The following BANK1 variants were observed in gnomAD, a reference collection of about 807,000 sequenced individuals.
BANK1 encodes B-cell scaffold protein with ankyrin repeats.
BANK1 carries 95 observed loss-of-function variants against 94.5 expected under a neutral mutation model. The ratio of observed to expected loss-of-function variants is 1.00; its 90% CI spans 0.85 to 1.19. The LOEUF (loss-of-function observed/expected upper bound fraction) is 1.19. Ranked by LOEUF, BANK1 falls within the 50% of genes most tolerant of loss-of-function variation. BANK1 has a pLI of 0.00. For missense variants in BANK1, 987 were observed against 932.2 expected, an observed-to-expected ratio of 1.06 and a Z score of -0.77; for synonymous variants, 334 against 308.4, an observed-to-expected ratio of 1.08 and a Z score of -0.87.
At chr4:101,854,634 A>C (rs1727613104) in intron 2 of BANK1, among the ~76,000 whole-genome samples, 1 of 152,000 alleles carries the variant, frequency 6.6e-6, no homozygotes, top group South Asian at 2.1e-4. Flanking sequence ...GAAATATGTA[A>C]GGGGCAAATA....
At chr4:101,986,201 A>T (rs1417325250) in intron 7 of BANK1, among the ~76,000 whole-genome samples, 1 of 152,126 alleles carries the variant, frequency 6.6e-6, no homozygotes, top group African/African-American at 2.4e-5. Flanking sequence ...GTGCTATGGG[A>T]CCTTTGAGAC....
chr4:101,838,451 C>T (rs1726911978), intron 2 of BANK1, among the ~76,000 whole-genome samples: 2 of 152,090 alleles, frequency 1.3e-5, no homozygotes, highest in African/African-American at 2.4e-5. Context: ...TAGATGATTT[C>T]CTCTTTATTT....
intron 5 of BANK1, among the ~76,000 whole-genome samples, chr4:101,881,460 G>A (rs1334187399): frequency 6.6e-6 from 1 of 152,042 alleles, no homozygotes; most frequent in African/African-American, 2.4e-5. Flanking sequence ...GGAGAAAACT[G>A]TTTGTCGGAA....
intron 7 of BANK1, among the ~76,000 whole-genome samples, chr4:101,970,002 A>G (rs1164250081): frequency 6.6e-6 from 1 of 152,182 alleles, no homozygotes; most frequent in Non-Finnish European, 1.5e-5. Flanking sequence ...TCAATAAGAT[A>G]CCTGTTTTGC....
intron 2 of BANK1, among the ~76,000 whole-genome samples, chr4:101,847,072 AG>A (rs1727277441): frequency 6.6e-6 from 1 of 152,158 alleles, no homozygotes; most frequent in Non-Finnish European, 1.5e-5. Context: ...AGTCGTATGA[AG>A]GAAGGCTTAC....
At chr4:102,035,391 G>A (rs1467620955) in intron 10 of BANK1, among the ~76,000 whole-genome samples, 1 of 152,032 alleles carries the variant, frequency 6.6e-6, no homozygotes. Flanking sequence ...GCTCACGCCT[G>A]TAATCCCAGT....
intron 8 of BANK1, among the ~76,000 whole-genome samples, chr4:102,023,041 T>C (rs910712513): frequency 3.3e-5 from 5 of 152,340 alleles, no homozygotes; most frequent in South Asian, 2.1e-4. Flanking sequence ...ATTATTTATC[T>C]GGTTGTTGTT....
Position 102,030,285 on chromosome 4 carries a change from G to C in BANK1, c.1900+20G>C. 1.3e-6 allele frequency: 2 copies of C among 1,535,964 alleles called. No individual in the cohort carries two copies. Among genetic ancestry groups the C allele is most frequent in the Non-Finnish European group, 1.7e-6 (2 of 1,146,860 alleles). On this transcript the variant is annotated intron_variant, in intron 10 of 16. Transcript: ENST00000322953. ...CTCAAGGTAATTATCATTGTTGTTT[G>C]TTTACTTGTTAATTTTTTTTGTCCA... is the stretch of plus-strand genomic sequence containing the variant.
In BANK1 at chr4:101,862,608, G is replaced by A. The variant is rs777895274; in HGVS notation, c.707G>A (p.Arg236His). The A allele has an allele frequency of 8.6e-5, 138 of 1,611,006 alleles. No homozygotes were observed. The highest frequency in any genetic ancestry group is 1.1e-4 in the Non-Finnish European group (127 of 1,178,528). The part of the protein sequence containing the change: ...VEVEFTSSNK[R>H]IRTRPALWNK... ...GTTGAATTTACATCAAGTAATAAGC[G>A]CATTAGAACACGGCCAGCCCTTTGG... is the stretch of plus-strand genomic sequence containing the variant. The change falls in exon 4 of 17, where the codon CGC (arginine) becomes CAC (histidine). Residue 236 changes from arginine to histidine, a missense_variant. Coordinates refer to ENST00000322953, the MANE Select transcript of BANK1 (RefSeq NM_017935.5).
chr4:101,937,277 A>C (rs1723598064), intron 7 of BANK1, among the ~76,000 whole-genome samples: 1 of 151,918 alleles, frequency 6.6e-6, no homozygotes. Flanking sequence ...AGCAAAATAA[A>C]CTATCATCAG....
chr4:101,796,054 A>G (rs1725145286), intron 1 of BANK1, among the ~76,000 whole-genome samples: 1 of 152,208 alleles, frequency 6.6e-6, no homozygotes, highest in Non-Finnish European at 1.5e-5. Flanking sequence ...TTATCAGTAG[A>G]AGATTGATGA....
intron 5 of BANK1, among the ~76,000 whole-genome samples, chr4:101,879,082 G>A (rs1297333763): frequency 6.6e-6 from 1 of 151,790 alleles, no homozygotes; most frequent in Non-Finnish European, 1.5e-5. Context: ...CCCAAAATTA[G>A]TAGAAGAAAA....
intron 11 of BANK1, among the ~76,000 whole-genome samples, chr4:102,052,248 G>T (rs746219470): frequency 6.6e-6 from 1 of 150,968 alleles, no homozygotes; most frequent in African/African-American, 2.4e-5. Flanking sequence ...CTCCTGAGTA[G>T]CTGGGACTAC....
chr4:102,055,948 GA>G (rs199632800), intron 11 of BANK1, among the ~76,000 whole-genome samples: 7 of 150,552 alleles, frequency 4.6e-5, no homozygotes, highest in Admixed American at 1.3e-4. Flanking sequence ...AATCACTTGG[GA>G]AAAAAAAAGA....
chr4:102,039,401 C>T (rs1437319445), intron 10 of BANK1, among the ~76,000 whole-genome samples: 1 of 152,108 alleles, frequency 6.6e-6, no homozygotes, highest in Non-Finnish European at 1.5e-5. Flanking sequence ...AACATGACTG[C>T]TTATACGGTT....
At chr4:102,040,426 G>A (rs1400036023) in intron 10 of BANK1, among the ~76,000 whole-genome samples, 1 of 151,976 alleles carries the variant, frequency 6.6e-6, no homozygotes, top group Non-Finnish European at 1.5e-5. Context: ...TTTAAAGGTG[G>A]TGACAACGAC....
At chr4:101,834,248 T>C (rs757973602) in intron 2 of BANK1, among the ~76,000 whole-genome samples, 39 of 152,206 alleles carry the variant, frequency 2.6e-4, no homozygotes, top group Admixed American at 7.9e-4. Flanking sequence ...ACTCACACCT[T>C]ATAGACAACA....
At chr4:101,811,793 C>T (rs959767069) in intron 1 of BANK1, among the ~76,000 whole-genome samples, 14 of 151,908 alleles carry the variant, frequency 9.2e-5, no homozygotes, top group Admixed American at 2.6e-4. Flanking sequence ...TACATGAACC[C>T]TGGGATAAAT....
chr4:102,071,168 G>A (rs971612559), intron 13 of BANK1, 107 bp from the exon 14 acceptor site: 8 of 1,265,804 alleles, frequency 6.3e-6, no homozygotes, highest in East Asian at 2.3e-5. Context: ...AGATTTCATA[G>A]CAACCTCAAA....
Sources: gnomAD v4.1 joint callset for allele counts (sites outside exome capture counted in the v4.1 genomes callset) on GRCh38, gnomAD v4.1.1 for gene constraint, MANE v1.5 for transcripts, NCBI Gene and HGNC (gene_info 2026-07-23, HGNC 2026-07-21) for gene names.